The following MSRA variants were observed in gnomAD, a reference collection of about 807,000 sequenced individuals.
The protein encoded by MSRA is mitochondrial peptide methionine sulfoxide reductase.
Under a neutral mutation model 31.3 loss-of-function variants are expected in MSRA, and 54 were observed. The ratio of observed to expected loss-of-function variants is 1.73; its 90% CI spans 1.39 to 2.17. MSRA has a LOEUF of 2.17. Ranked by LOEUF, MSRA falls within the 30% of genes most tolerant of loss-of-function variation. MSRA has a pLI of 0.00. For missense variants in MSRA, 507 were observed against 300.9 expected, an observed-to-expected ratio of 1.69 and a Z score of -5.07; for synonymous variants, 169 against 116.5, an observed-to-expected ratio of 1.45 and a Z score of -2.90.
intron 3 of MSRA, among the ~76,000 whole-genome samples, chr8:10,279,463 G>A (rs760660696): frequency 1.1e-4 from 17 of 152,050 alleles, no homozygotes; most frequent in African/African-American, 3.4e-4. Context: ...TTGGGGCAGC[G>A]TTTTCTGATC....
intron 1 of MSRA, among the ~76,000 whole-genome samples, chr8:10,186,486 A>C (rs1807064672): frequency 6.6e-6 from 1 of 152,204 alleles, no homozygotes; most frequent in Non-Finnish European, 1.5e-5. Flanking sequence ...TCAGCCATTA[A>C]AATATATGAA....
At chr8:10,269,689 C>T (rs1228819473) in intron 3 of MSRA, among the ~76,000 whole-genome samples, 1 of 152,138 alleles carries the variant, frequency 6.6e-6, no homozygotes, top group Non-Finnish European at 1.5e-5. Flanking sequence ...CTGGCTCTCT[C>T]TCCCAGCCTG....
Position 10,428,340 on chromosome 8 carries a change from G to A in MSRA, c.*28G>A, listed in dbSNP as rs1465495856. On this transcript the variant is annotated 3_prime_UTR_variant, in exon 6 of 6. Transcript: ENST00000317173. ...TCTCCCCACATGGTGGGCCTTTGAG[G>A]TTCCAGTAAAAATGCTTTCAACAAA... The A allele has an allele frequency of 6.2e-7, 1 of 1,607,620 alleles. No individual in the cohort carries two copies. Among genetic ancestry groups the A allele is most frequent in the Non-Finnish European group, 8.5e-7 (1 of 1,178,030 alleles).
chr8:10,127,316 G>T (rs980373070), intron 1 of MSRA, among the ~76,000 whole-genome samples: 3 of 152,166 alleles, frequency 2.0e-5, no homozygotes, highest in Non-Finnish European at 4.4e-5. Context: ...TGCAACCTCA[G>T]GCATAAATGG....
At chr8:10,223,972 C>G (rs1810758831) in intron 2 of MSRA, among the ~76,000 whole-genome samples, 1 of 152,078 alleles carries the variant, frequency 6.6e-6, no homozygotes, top group Admixed American at 6.6e-5. Context: ...GGTTCAAATC[C>G]CAGCTCTACC....
chr8:10,375,459 GT>G (rs1805706540), intron 5 of MSRA, among the ~76,000 whole-genome samples: 1 of 152,230 alleles, frequency 6.6e-6, no homozygotes, highest in South Asian at 2.1e-4. Flanking sequence ...CGTGCCCCTA[GT>G]GGAATGATGT....
chr8:10,316,524 A>ATCCC (rs1371372483), intron 4 of MSRA, among the ~76,000 whole-genome samples: 13 of 65,352 alleles, frequency 2.0e-4, no homozygotes, highest in Admixed American at 1.9e-4. Flanking sequence ...TACTTTGATG[A>ATCCC]TCCCTCTCTC....
intron 1 of MSRA, among the ~76,000 whole-genome samples, chr8:10,065,676 A>T (rs1272354682): frequency 6.6e-6 from 1 of 152,218 alleles, no homozygotes; most frequent in African/African-American, 2.4e-5. Flanking sequence ...TTTTTTCAGA[A>T]TAAGGAGATT....
intron 1 of MSRA, among the ~76,000 whole-genome samples, chr8:10,128,917 G>C (rs990919877): frequency 6.6e-6 from 1 of 152,200 alleles, no homozygotes; most frequent in African/African-American, 2.4e-5. Flanking sequence ...AGTTTAGGAA[G>C]ACATTCAGTC....
At position 10,335,298 on chromosome 8, in the gene MSRA, C is replaced by T. The variant is rs1802972400; in HGVS notation, c.543+15309C>T. 3.0e-5 allele frequency among the ~76,000 whole-genome samples: 4 copies of T among 132,724 alleles called. No homozygotes were observed. The Admixed American group carries it at 3.4e-4, about 11-fold the overall frequency. 87.1% of individuals were successfully genotyped at this position (132,724 alleles called of 152,430 possible). A position where few individuals can be genotyped will look rare whatever the true frequency, so the allele number is the denominator to read the frequency against. On this transcript the variant is annotated intron_variant, in intron 5 of 5. Transcript: ENST00000317173. The stretch of plus-strand genomic sequence containing the variant: ...TGTAGTGTTTGAATTTGAAATCCGG[C>T]CCTGTGACCCTTTCTACTCACAGAC...
At chr8:10,219,298 A>G (rs1005806800) in intron 2 of MSRA, among the ~76,000 whole-genome samples, 6 of 152,110 alleles carry the variant, frequency 3.9e-5, no homozygotes, top group African/African-American at 1.4e-4. Context: ...CCCAGAGTGG[A>G]TTTTCCATAC....
intron 1 of MSRA, among the ~76,000 whole-genome samples, chr8:10,134,807 A>C (rs1802152896): frequency 6.6e-6 from 1 of 152,250 alleles, no homozygotes; most frequent in African/African-American, 2.4e-5. Flanking sequence ...GTCTTTGATT[A>C]AACATGCCGT....
At chr8:10,410,519 A>G (rs1001489973) in intron 5 of MSRA, among the ~76,000 whole-genome samples, 2 of 152,208 alleles carry the variant, frequency 1.3e-5, no homozygotes, top group African/African-American at 4.8e-5. Flanking sequence ...TATTATCTCA[A>G]ATACATGATT....
At chr8:10,072,404 A>C (rs926207670) in intron 1 of MSRA, among the ~76,000 whole-genome samples, 1 of 151,920 alleles carries the variant, frequency 6.6e-6, no homozygotes, top group Non-Finnish European at 1.5e-5. Flanking sequence ...TTTGTCCAAA[A>C]TTAGTTGGCC....
intron 5 of MSRA, among the ~76,000 whole-genome samples, chr8:10,335,868 T>G (rs921344732): frequency 1.3e-5 from 2 of 152,324 alleles, no homozygotes; most frequent in East Asian, 3.9e-4. Flanking sequence ...GCTGTCACTC[T>G]AATCGCTGCC....
At chr8:10,259,167 A>T (rs371800825) in intron 3 of MSRA, among the ~76,000 whole-genome samples, 1 of 152,038 alleles carries the variant, frequency 6.6e-6, no homozygotes, top group Non-Finnish European at 1.5e-5. Context: ...TGTCAAATCT[A>T]TTGAAGTTCT....
intron 5 of MSRA, among the ~76,000 whole-genome samples, chr8:10,385,002 C>G (rs531989600): frequency 3.0e-4 from 46 of 150,868 alleles, no homozygotes; most frequent in African/African-American, 1.1e-3. Context: ...ACCCTGTCTC[C>G]GAAAAAAAAA....
intron 1 of MSRA, among the ~76,000 whole-genome samples, chr8:10,151,624 T>C (rs1803689889): frequency 1.3e-5 from 2 of 152,198 alleles, no homozygotes; most frequent in African/African-American, 2.4e-5. Flanking sequence ...CACTCCAGCC[T>C]GGGCGACAGA....
intron 1 of MSRA, among the ~76,000 whole-genome samples, chr8:10,062,253 C>A (rs1237558227): frequency 6.6e-6 from 1 of 152,196 alleles, no homozygotes; most frequent in East Asian, 1.9e-4. Context: ...AGCTGGCTGG[C>A]CCTGCCCTCC....
Sources: gnomAD v4.1 joint callset for allele counts (sites outside exome capture counted in the v4.1 genomes callset) on GRCh38, gnomAD v4.1.1 for gene constraint, MANE v1.5 for transcripts, NCBI Gene and HGNC (gene_info 2026-07-23, HGNC 2026-07-21) for gene names.